ZBTB21: variants seen among roughly 807,000 people sequenced by gnomAD.
ZBTB21 encodes the protein zinc finger and BTB domain-containing protein 21.
ZBTB21 carries 10 observed loss-of-function variants against 39.8 expected under a neutral mutation model. The ratio of observed to expected loss-of-function variants is 0.25; its 90% CI spans 0.16 to 0.43. The LOEUF is 0.43. ZBTB21 is among the 20% of genes least tolerant of loss of function. ZBTB21 has a pLI of 1.00. For synonymous variants in ZBTB21, 551 were observed against 498.8 expected (o/e 1.10, Z -1.40); for missense variants, 1,221 against 1,296.3 (o/e 0.94, Z 0.89).
chr21:41,988,585 CTTT>C lies in ZBTB21; in HGVS notation c.*2307_*2309del. 6.6e-6 allele frequency: 1 copy of C among 152,040 alleles called. No homozygotes were observed. Among genetic ancestry groups the C allele is most frequent in the East Asian group, 1.9e-4 (1 of 5,200 alleles). 9.4% of individuals were successfully genotyped at this position (152,040 alleles called of 1,614,324 possible). ...CAAAATAAACTCTTTCAGCCTAATG[CTTT>C]TAAAGTACAGTATAAAAAGTAATAG... On this transcript the variant is annotated 3_prime_UTR_variant, in exon 3 of 3. Transcript: ENST00000310826.
rs755837122 is a variant in ZBTB21 at position 41,991,902 on chromosome 21, A to G, written c.2194T>C (p.Ser732Pro). ...TGGCTTCCTTGCTCTAGGAGAGAAGAGAGCTTAGCATTACAGAGGCGGCAC... is the reference window on the plus strand; with the variant it reads ...TGGCTTCCTTGCTCTAGGAGAGAAGGGAGCTTAGCATTACAGAGGCGGCAC... ...YQCRLCNAKL[S>P]SLLEQGSHER... The change falls in exon 3 of 3, where the codon TCT (serine) becomes CCT (proline). Residue 732 changes from serine to proline, a missense_variant. Ser to Pro is a moderately conservative substitution (Grantham distance 74). Transcript: ENST00000310826. The surrounding 1 kb of genome is among the most constrained non-coding windows in gnomAD (Gnocchi z 4.9). The G allele has an allele frequency of 3.7e-6, 6 of 1,614,056 alleles. No homozygotes were observed. The highest frequency in any genetic ancestry group is 5.1e-6 in the Non-Finnish European group (6 of 1,180,056).
rs113375440 is a variant in ZBTB21, at chr21:41,992,884, C to T, written c.1212G>A (p.Pro404=). 1.2e-4 allele frequency: 188 copies of T among 1,614,162 alleles called. 2 individuals are homozygous for T. In the African/African-American group the frequency reaches 1.3e-3, roughly 11 times the overall value. The change falls in exon 3 of 3, where the codon CCG becomes CCA. Residue 404 remains proline (P), a synonymous_variant. Transcript: ENST00000310826. This position sits in a 1 kb window ranked among gnomAD's most constrained non-coding sequence, Gnocchi z 4.1. ...ALDDRPQVLQ[P]HRLRSFSASQ... Reference sequence around the variant, plus strand: ...AAGCACTAAAGGACCTGAGGCGATGCGGTTGTAGCACTTGAGGCCTGTCAT... The same window carrying T: ...AAGCACTAAAGGACCTGAGGCGATGTGGTTGTAGCACTTGAGGCCTGTCAT...
chr21:41,994,101 G>C lies in ZBTB21; in HGVS notation c.-6C>G, dbSNP rs2065713830. ...TAATGCAGTAATCCCTCCATGGCTTGAGTTTATCTAAAAGACAAAATGTAA... is the reference window on the plus strand; with the variant it reads ...TAATGCAGTAATCCCTCCATGGCTTCAGTTTATCTAAAAGACAAAATGTAA... On this transcript the variant is annotated 5_prime_UTR_variant, in exon 3 of 3. Transcript: ENST00000310826. 1.3e-6 allele frequency: 2 copies of C among 1,557,268 alleles called. No homozygotes were observed. Among genetic ancestry groups the C allele is most frequent in the Admixed American group, 2.1e-5 (1 of 47,064 alleles).
chr21:42,009,974 G>C (rs942016868), intron 1 of ZBTB21, among the ~76,000 whole-genome samples: 7 of 152,228 alleles, frequency 4.6e-5, no homozygotes, highest in African/African-American at 9.6e-5. Context: ...TGAGGGAATG[G>C]AGCATGCGCA....
In ZBTB21 at chr21:41,988,181, T is replaced by C. The variant is rs932275547; in HGVS notation, c.*2714A>G. The stretch of plus-strand genomic sequence containing the variant: ...CTTACTTTGAGTGATAAAAACATGT[T>C]TTATGTTACTCCTTCCTTCTCCCAC... On this transcript the variant is annotated 3_prime_UTR_variant, in exon 3 of 3. Coordinates refer to ENST00000310826, the MANE Select transcript of ZBTB21 (RefSeq NM_001098402.2). The C allele has an allele frequency of 3.6e-5, 5 of 138,896 alleles. No individual in the cohort carries two copies. The highest frequency in any genetic ancestry group is 3.0e-4 in the Admixed American group (4 of 13,448). 8.6% of individuals were successfully genotyped at this position (138,896 alleles called of 1,614,324 possible). A position where few individuals can be genotyped will look rare whatever the true frequency, so the allele number is the denominator to read the frequency against.
chr21:41,999,999 T>C (rs138495543), intron 2 of ZBTB21, among the ~76,000 whole-genome samples: 2 of 152,112 alleles, frequency 1.3e-5, no homozygotes, highest in Non-Finnish European at 2.9e-5. Context: ...GGGTAGGTTA[T>C]GGGGGAAGCT....
Position 41,990,884 on chromosome 21 carries a change from GTGT to G in ZBTB21, c.*8_*10del, listed in dbSNP as rs749088760. 27 of 1,448,596 alleles carry G rather than the reference GTGT, an allele frequency of 1.9e-5. No individual in the cohort carries two copies. Among genetic ancestry groups the G allele is most frequent in the Non-Finnish European group, 2.5e-5 (27 of 1,100,652 alleles). 89.7% of individuals were successfully genotyped at this position (1,448,596 alleles called of 1,614,324 possible). A position where few individuals can be genotyped will look rare whatever the true frequency, so the allele number is the denominator to read the frequency against. Reference sequence around the variant, plus strand: ...GGGGACTGCCTCCCATAGGTAAAAAGTGTTGGTCTTTCAATTGTGTGTTTGTTC... The same window carrying G: ...GGGGACTGCCTCCCATAGGTAAAAAGTGGTCTTTCAATTGTGTGTTTGTTC... On this transcript the variant is annotated 3_prime_UTR_variant, in exon 3 of 3. Transcript: ENST00000310826.
rs925980842 is a variant in ZBTB21 at position 41,989,892 on chromosome 21, C to T, written c.*1003G>A. 2.0e-5 allele frequency: 3 copies of T among 152,198 alleles called. No individual in the cohort carries two copies. Among genetic ancestry groups the T allele is most frequent in the African/African-American group, 4.8e-5 (2 of 41,462 alleles). 9.4% of individuals were successfully genotyped at this position (152,198 alleles called of 1,614,324 possible). On this transcript the variant is annotated 3_prime_UTR_variant, in exon 3 of 3. Transcript: ENST00000310826. ...AAGTAAATGGTAATTTAGAATTTTACATCAGCTGTGCTAATTCTTGAGTGT... is the reference window on the plus strand; with the variant it reads ...AAGTAAATGGTAATTTAGAATTTTATATCAGCTGTGCTAATTCTTGAGTGT...
intron 1 of ZBTB21, among the ~76,000 whole-genome samples, chr21:42,005,930 T>C (rs1206895879): frequency 5.9e-5 from 9 of 152,232 alleles, no homozygotes. Context: ...TATCGCTGGA[T>C]GCAGTGCCTA....
chr21:41,990,792 C>T lies in ZBTB21; in HGVS notation c.*103G>A. ...AATTTCAAGCGTAACAATCTCCAAC[C>T]TTTATTATTCTTGTTTAAAAAATAT... On this transcript the variant is annotated 3_prime_UTR_variant, in exon 3 of 3. Coordinates refer to ENST00000310826, the MANE Select transcript of ZBTB21 (RefSeq NM_001098402.2). 4.2e-6 allele frequency: 5 copies of T among 1,180,922 alleles called. No individual in the cohort carries two copies. The highest frequency in any genetic ancestry group is 5.6e-6 in the Non-Finnish European group (5 of 890,840). 73.2% of individuals were successfully genotyped at this position (1,180,922 alleles called of 1,614,324 possible).
chr21:41,989,330 A>G lies in ZBTB21; in HGVS notation c.*1565T>C, dbSNP rs992290837. ...CTACCACTGGTATGGAATGTTGGCA[A>G]TAAGATTGATGGGTACAGAGTTATT... is the stretch of plus-strand genomic sequence containing the variant. On this transcript the variant is annotated 3_prime_UTR_variant, in exon 3 of 3. Transcript: ENST00000310826. The G allele has an allele frequency of 3.9e-5, 6 of 152,144 alleles. No individual in the cohort carries two copies. Among genetic ancestry groups the G allele is most frequent in the African/African-American group, 9.7e-5 (4 of 41,434 alleles). The allele number at this position is 152,144 out of a possible 1,614,324, so 9.4% of individuals were successfully genotyped here. A position where few individuals can be genotyped will look rare whatever the true frequency, so the allele number is the denominator to read the frequency against.
chr21:41,996,437 G>A (rs898667051), intron 2 of ZBTB21, among the ~76,000 whole-genome samples: 1 of 152,162 alleles, frequency 6.6e-6, no homozygotes, highest in African/African-American at 2.4e-5. Flanking sequence ...GACTTGCACC[G>A]GGGCCTGTAA....
chr21:42,007,485 G>A (rs188523073), intron 1 of ZBTB21, among the ~76,000 whole-genome samples: 1 of 152,178 alleles, frequency 6.6e-6, no homozygotes, highest in African/African-American at 2.4e-5. Context: ...TCCAGCCTCT[G>A]CCACCCAAAA....
chr21:42,004,065 T>C (rs112089075), intron 1 of ZBTB21, among the ~76,000 whole-genome samples: 4,995 of 151,182 alleles, frequency 0.033, 154 homozygotes, highest in African/African-American at 0.08. Context: ...AGTGGCATGA[T>C]CTTGGCTCAC....
chr21:41,990,673 C>G lies in ZBTB21; in HGVS notation c.*222G>C. On this transcript the variant is annotated 3_prime_UTR_variant, in exon 3 of 3. Coordinates refer to ENST00000310826, the MANE Select transcript of ZBTB21 (RefSeq NM_001098402.2). ...TTCAACATTAATGAAATCAAACCAT[C>G]TTGTTCTTGTAAGGTCCAGAACCAC... 1 of 372,434 alleles carries G rather than the reference C, an allele frequency of 2.7e-6. No homozygotes were observed. Among genetic ancestry groups the G allele is most frequent in the Non-Finnish European group, 4.7e-6 (1 of 213,502 alleles). 23.1% of individuals were successfully genotyped at this position (372,434 alleles called of 1,614,324 possible). A position where few individuals can be genotyped will look rare whatever the true frequency, so the allele number is the denominator to read the frequency against.
chr21:41,995,240 T>G (rs188219350), intron 2 of ZBTB21, among the ~76,000 whole-genome samples: 53 of 152,134 alleles, frequency 3.5e-4, no homozygotes, highest in East Asian at 2.5e-3. Flanking sequence ...GACAGGAAAA[T>G]GTGGGAAACT....
rs764926439 is a variant in ZBTB21, at chr21:41,991,223, G to A, written c.2873C>T (p.Ser958Leu). The A allele has an allele frequency of 1.2e-6, 2 of 1,614,076 alleles. No homozygotes were observed. Among genetic ancestry groups the A allele is most frequent in the Admixed American group, 1.7e-5 (1 of 59,996 alleles). Residue 958 changes from serine to leucine, a missense_variant, in exon 3 of 3, where the codon TCG (serine) becomes TTG (leucine). Ser to Leu is a moderately radical substitution (Grantham distance 145). This residue lies in a region of ZBTB21 where 523 missense variants were observed against 542.5 expected (regional missense o/e 0.96). Transcript: ENST00000310826. The surrounding 1 kb of genome is among the most constrained non-coding windows in gnomAD (Gnocchi z 4.9). ...TTCCTCTGAAGCCTGAGACATGTGC[G>A]ATTGGAAGTGACTCCAGAGTCGAAA... ...TNFRLWSHFQSHMSQASEESA... is the reference protein window; with the variant it reads ...TNFRLWSHFQLHMSQASEESA...
chr21:42,004,755 G>A (rs117594012), intron 1 of ZBTB21, among the ~76,000 whole-genome samples: 2,166 of 152,254 alleles, frequency 0.014, 18 homozygotes, highest in Non-Finnish European at 0.021. Context: ...GGGAATGCAT[G>A]TAACACAAGG....
At chr21:41,997,575 C>CAAAAAAAA (rs10709533) in intron 2 of ZBTB21, among the ~76,000 whole-genome samples, 3 of 117,856 alleles carry the variant, frequency 2.5e-5, no homozygotes, top group East Asian at 3.3e-4. Context: ...GACGTTGTCT[C>CAAAAAAAA]AAAAAAAAAA....
Sources: allele counts gnomAD v4.1 joint callset (sites outside exome capture counted in the v4.1 genomes callset), GRCh38; gene constraint gnomAD v4.1.1; regional missense constraint gnomAD v4.1.1; non-coding constraint Gnocchi (gnomAD v3.1); transcripts MANE v1.5; gene names NCBI Gene and HGNC (gene_info 2026-07-23, HGNC 2026-07-21).